DPF3: variants seen among roughly 807,000 people sequenced by gnomAD.
DPF3 encodes double PHD fingers 3.
A neutral mutation model predicts 56.8 loss-of-function variants in DPF3; 18 were observed. That is an observed-to-expected ratio of 0.32 (90% confidence interval 0.22 to 0.47). The LOEUF is 0.47. DPF3 is among the 20% of genes least tolerant of loss of function. DPF3 has a pLI of 1.00. For synonymous variants in DPF3, 188 were observed against 180.2 expected (o/e 1.04, Z -0.35); for missense variants, 403 against 488.8 (o/e 0.82, Z 1.65).
At chr14:72,802,951 G>A (rs566982910) in intron 1 of DPF3, among the ~76,000 whole-genome samples, 32 of 152,238 alleles carry the variant, frequency 2.1e-4, no homozygotes, top group Admixed American at 8.5e-4. Context: ...CCCCATGGAG[G>A]TCCAGGGCCC....
intron 1 of DPF3, among the ~76,000 whole-genome samples, chr14:72,893,008 GAAGGAAGGA>G (rs1886829173): frequency 7.9e-6 from 1 of 125,986 alleles, no homozygotes; most frequent in Non-Finnish European, 1.7e-5. Flanking sequence ...AGGAAGGAAG[GAAGGAAGGA>G]AGGAAGGATG....
In DPF3 at chr14:72,702,424, G is replaced by A. The variant is rs549318124; in HGVS notation, c.605-9211C>T. ...TGCTCCTTGGAGCTGGGGATAGGGA[G>A]GGCTTCCCGCTCTCCCTGTCAGCAC... is the stretch of plus-strand genomic sequence containing the variant. On this transcript the variant is annotated intron_variant, in intron 6 of 10. Coordinates refer to ENST00000556509, the MANE Select transcript of DPF3 (RefSeq NM_001280542.3). Among the ~76,000 whole-genome samples the A allele has an allele frequency of 3.8e-4, 58 of 152,176 alleles. 1 individual carries two copies. Among genetic ancestry groups the A allele is most frequent in the African/African-American group, 1.4e-3 (57 of 41,512 alleles).
chr14:72,684,256 A>G (rs1347853170), intron 7 of DPF3, among the ~76,000 whole-genome samples: 3 of 152,130 alleles, frequency 2.0e-5, no homozygotes, highest in African/African-American at 7.2e-5. Context: ...CATGTTGACC[A>G]GGCTGGACTC....
chr14:72,854,137 A>T (rs1003192171), intron 1 of DPF3, among the ~76,000 whole-genome samples: 1 of 152,156 alleles, frequency 6.6e-6, no homozygotes, highest in Admixed American at 6.5e-5. Context: ...TGGGCGGATC[A>T]CTTGGGGTCA....
chr14:72,882,261 A>G (rs1886353255), intron 1 of DPF3, among the ~76,000 whole-genome samples: 1 of 152,262 alleles, frequency 6.6e-6, no homozygotes, highest in Non-Finnish European at 1.5e-5. Context: ...AAAGGTCAGC[A>G]GAAATGGTGG....
chr14:72,883,542 A>T (rs1018050354), intron 1 of DPF3, among the ~76,000 whole-genome samples: 7 of 152,192 alleles, frequency 4.6e-5, no homozygotes, highest in Non-Finnish European at 1.0e-4. Context: ...TTGCAGCAAG[A>T]CTGAATCTGA....
intron 1 of DPF3, among the ~76,000 whole-genome samples, chr14:72,797,284 C>T (rs770918344): frequency 6.6e-6 from 1 of 152,164 alleles, no homozygotes; most frequent in Non-Finnish European, 1.5e-5. Context: ...CATAGGTTAA[C>T]CAGCCCAAAT....
At chr14:72,871,404 A>T (rs1447396338) in intron 1 of DPF3, among the ~76,000 whole-genome samples, 1 of 152,218 alleles carries the variant, frequency 6.6e-6, no homozygotes, top group African/African-American at 2.4e-5. Context: ...TTCTGCCTAT[A>T]TTCTATAAAG....
intron 6 of DPF3, among the ~76,000 whole-genome samples, chr14:72,707,187 T>C (rs887772275): frequency 5.9e-5 from 9 of 152,254 alleles, no homozygotes; most frequent in African/African-American, 1.9e-4. Flanking sequence ...TAGTATTCCA[T>C]GGTGTACATG....
intron 9 of DPF3, among the ~76,000 whole-genome samples, chr14:72,626,744 G>A (rs1250156967): frequency 6.6e-6 from 1 of 151,986 alleles, no homozygotes; most frequent in African/African-American, 2.4e-5. Flanking sequence ...GCTCTGTTAG[G>A]TATTGTCAAA....
At chr14:72,660,759 T>C (rs185044292) in intron 8 of DPF3, among the ~76,000 whole-genome samples, 15 of 152,236 alleles carry the variant, frequency 9.9e-5, no homozygotes, top group Middle Eastern at 3.4e-3. Context: ...AGGGTGATGA[T>C]GGTGATGGTG....
chr14:72,771,910 G>GTC lies in DPF3; in HGVS notation c.33-18_33-17insGA. ...TCCCCGAGCCTGCCAGAGTCAGAGA[G>GTC]TGAAGGGGTGAGGCCAGGGAAGACT... is the stretch of plus-strand genomic sequence containing the variant. On this transcript the variant is annotated splice_polypyrimidine_tract_variant and intron_variant, in intron 1 of 10. Transcript: ENST00000556509. 6.4e-7 allele frequency: 1 copy of GTC among 1,554,560 alleles called. No individual in the cohort carries two copies. The highest frequency in any genetic ancestry group is 8.7e-7 in the Non-Finnish European group (1 of 1,151,998).
intron 1 of DPF3, chr14:72,805,964 G>C (rs1056345631): frequency 6.6e-6 from 1 of 152,118 alleles, no homozygotes; most frequent in South Asian, 2.1e-4. Context: ...GGTCCCATGG[G>C]TTCCACCTCT....
intron 8 of DPF3, among the ~76,000 whole-genome samples, chr14:72,645,361 G>A (rs1165022276): frequency 1.3e-5 from 2 of 151,300 alleles, no homozygotes; most frequent in African/African-American, 2.4e-5. Flanking sequence ...GTGCAGTGGT[G>A]CAATCTTGGT....
At chr14:72,737,778 G>C (rs991663700) in intron 3 of DPF3, among the ~76,000 whole-genome samples, 1 of 152,092 alleles carries the variant, frequency 6.6e-6, no homozygotes, top group African/African-American at 2.4e-5. Context: ...GCATCCATCC[G>C]TCCATCCATC....
intron 6 of DPF3, among the ~76,000 whole-genome samples, chr14:72,694,067 T>A (rs748054517): frequency 1.2e-4 from 18 of 152,186 alleles, no homozygotes; most frequent in Non-Finnish European, 1.8e-4. Context: ...GAAATGTGCC[T>A]TCTTGGAGCC....
chr14:72,661,394 CTG>C (rs1402751552), intron 8 of DPF3: 3 of 985,294 alleles, frequency 3.0e-6, no homozygotes, highest in Non-Finnish European at 3.6e-6. Flanking sequence ...TTCAGTAACA[CTG>C]TGACTCAAGG....
At chr14:72,820,381 T>C (rs1883479756) in intron 1 of DPF3, among the ~76,000 whole-genome samples, 1 of 152,222 alleles carries the variant, frequency 6.6e-6, no homozygotes, top group Non-Finnish European at 1.5e-5. Context: ...AATGAAATAC[T>C]GTATTTCACA....
intron 1 of DPF3, chr14:72,806,735 C>G (rs1277145479): frequency 6.6e-6 from 1 of 152,154 alleles, no homozygotes; most frequent in Non-Finnish European, 1.5e-5. Flanking sequence ...CCTAGTTCTC[C>G]CCTCCCTGCC....
Sources: gnomAD v4.1 joint callset for allele counts (sites outside exome capture counted in the v4.1 genomes callset) on GRCh38, gnomAD v4.1.1 for gene constraint, MANE v1.5 for transcripts, NCBI Gene and HGNC (gene_info 2026-07-23, HGNC 2026-07-21) for gene names.